The following KLF7 variants were observed in gnomAD, a reference collection of about 807,000 sequenced individuals.
KLF7 encodes the protein Krueppel-like factor 7.
A neutral mutation model predicts 27.3 loss-of-function variants in KLF7; 2 were observed. The observed-to-expected ratio is 0.07, with a 90% CI of 0.03 to 0.23. KLF7 has a LOEUF of 0.23. KLF7 is among the 10% of genes least tolerant of loss of function. KLF7 has a pLI of 1.00. For missense variants in KLF7, 221 were observed against 394.1 expected, an observed-to-expected ratio of 0.56 and a Z score of 3.72; for synonymous variants, 165 against 162.4, an observed-to-expected ratio of 1.02 and a Z score of -0.12.
At chr2:207,111,762 C>T (rs571165696) in intron 2 of KLF7, among the ~76,000 whole-genome samples, 2 of 152,082 alleles carry the variant, frequency 1.3e-5, no homozygotes, top group Non-Finnish European at 2.9e-5. Flanking sequence ...AAGAAGAGTA[C>T]GATGAGAGGA....
intron 2 of KLF7, among the ~76,000 whole-genome samples, chr2:207,099,145 T>C (rs367941917): frequency 7.9e-5 from 12 of 152,176 alleles, no homozygotes; most frequent in African/African-American, 2.9e-4. Flanking sequence ...GGTGTACAAC[T>C]CCTAGTGAGT....
chr2:207,091,508 G>C (rs1190628947), intron 2 of KLF7, among the ~76,000 whole-genome samples: 1 of 152,166 alleles, frequency 6.6e-6, no homozygotes, highest in African/African-American at 2.4e-5. Context: ...TACTATTATA[G>C]TGATTTATCA....
intron 1 of KLF7, among the ~76,000 whole-genome samples, chr2:207,132,435 A>T (rs532625832): frequency 1.3e-5 from 2 of 152,340 alleles, no homozygotes; most frequent in African/African-American, 2.4e-5. Context: ...AAGCTGAAAA[A>T]TTTCTATCAA....
At chr2:207,166,907 C>T (rs867834040), upstream of KLF7, 8 of 1,047,208 alleles carry the variant, frequency 7.6e-6, no homozygotes, top group African/African-American at 1.7e-5. Context: ...GCCCGCCCCC[C>T]GCTTGCGCAC....
At chr2:207,095,423 T>C (rs1256487422) in intron 2 of KLF7, among the ~76,000 whole-genome samples, 2 of 152,250 alleles carry the variant, frequency 1.3e-5, no homozygotes, top group Non-Finnish European at 2.9e-5. Flanking sequence ...CTTAAAATGT[T>C]TGTTCAAAAA....
rs536015493 is a variant in KLF7, at chr2:207,111,344, G to T, written c.733+12430C>A. Among the ~76,000 whole-genome samples, 26 of 152,296 alleles carry T rather than the reference G, an allele frequency of 1.7e-4. No homozygotes were observed. The East Asian group carries it at 4.6e-3, about 27-fold the overall frequency. ...TCTGTGTGGAATGCTCTCCCAGTGC[G>T]CACAGGCCACATAAGGTTTTGAGCA... On this transcript the variant is annotated intron_variant, in intron 2 of 3. Coordinates refer to ENST00000309446, the MANE Select transcript of KLF7 (RefSeq NM_003709.4).
At position 207,076,241 on chromosome 2, in the gene KLF7, C is replaced by G. The variant is rs1288875173; in HGVS notation, c.*4972G>C. On this transcript the variant is annotated 3_prime_UTR_variant, in exon 4 of 4. Coordinates refer to ENST00000309446, the MANE Select transcript of KLF7 (RefSeq NM_003709.4). ...GCTGGACTCACAGCAAGTTACGATT[C>G]CAAAGCTCACAGTTGAAAAAAAATT... is the stretch of plus-strand genomic sequence containing the variant. 6.6e-6 allele frequency: 1 copy of G among 152,016 alleles called. No individual in the cohort carries two copies. Among genetic ancestry groups the G allele is most frequent in the Non-Finnish European group, 1.5e-5 (1 of 67,994 alleles). The allele number at this position is 152,016 out of a possible 1,614,324, so 9.4% of individuals were successfully genotyped here. A position where few individuals can be genotyped will look rare whatever the true frequency, so the allele number is the denominator to read the frequency against.
At position 207,077,520 on chromosome 2, in the gene KLF7, G is replaced by A. The variant is rs186689773; in HGVS notation, c.*3693C>T. The A allele has an allele frequency of 6.6e-6, 1 of 152,178 alleles. No homozygotes were observed. Among genetic ancestry groups the A allele is most frequent in the East Asian group, 1.9e-4 (1 of 5,192 alleles). 9.4% of individuals were successfully genotyped at this position (152,178 alleles called of 1,614,324 possible). A position where few individuals can be genotyped will look rare whatever the true frequency, so the allele number is the denominator to read the frequency against. On this transcript the variant is annotated 3_prime_UTR_variant, in exon 4 of 4. Transcript: ENST00000309446. The stretch of plus-strand genomic sequence containing the variant: ...GTCGAGAGAAGAGGATATTTGAAGG[G>A]CTTTGCAAGGGAAAGCACACAGAGA...
At chr2:207,171,851 A>G (rs1396450261), upstream of KLF7, among the ~76,000 whole-genome samples, 1 of 152,230 alleles carries the variant, frequency 6.6e-6, no homozygotes, top group Non-Finnish European at 1.5e-5. Context: ...GCTTTATTGC[A>G]GTGGGCTGTA....
chr2:207,079,005 T>C lies in KLF7; in HGVS notation c.*2208A>G, dbSNP rs1165956691. Reference sequence around the variant, plus strand: ...CTCCGGCAAATGGACAGATTTTGTGTGTGTGTGCGCGTGTGTGTTAACGGG... The same window carrying C: ...CTCCGGCAAATGGACAGATTTTGTGCGTGTGTGCGCGTGTGTGTTAACGGG... On this transcript the variant is annotated 3_prime_UTR_variant, in exon 4 of 4. Transcript: ENST00000309446. The C allele has an allele frequency of 6.6e-6, 1 of 152,176 alleles. No homozygotes were observed. The highest frequency in any genetic ancestry group is 1.5e-5 in the Non-Finnish European group (1 of 68,022). The allele number at this position is 152,176 out of a possible 1,614,324, so 9.4% of individuals were successfully genotyped here.
At chr2:207,111,779 G>A (rs2244691) in intron 2 of KLF7, among the ~76,000 whole-genome samples, 3 of 151,964 alleles carry the variant, frequency 2.0e-5, no homozygotes, top group Middle Eastern at 3.4e-3. Flanking sequence ...AGGAAGCCTC[G>A]GAAGTATGCA....
chr2:207,156,026 TG>T (rs1374815311), intron 1 of KLF7, among the ~76,000 whole-genome samples: 1 of 152,194 alleles, frequency 6.6e-6, no homozygotes, highest in Admixed American at 6.5e-5. Flanking sequence ...GCAGGGCAAT[TG>T]CTCCACGGCT....
At chr2:207,107,221 A>G (rs546160412) in intron 2 of KLF7, among the ~76,000 whole-genome samples, 21 of 152,350 alleles carry the variant, frequency 1.4e-4, no homozygotes, top group Admixed American at 1.2e-3. Flanking sequence ...TTAACTGCAC[A>G]GAGAACCAAA....
chr2:207,173,138 G>GA, the KLF7 span, among the ~76,000 whole-genome samples: 1 of 151,990 alleles, frequency 6.6e-6, no homozygotes. Context: ...AAGAACATGA[G>GA]AACATGTATG....
chr2:207,170,050 A>G (rs2078774944), upstream of KLF7, among the ~76,000 whole-genome samples: 1 of 152,022 alleles, frequency 6.6e-6, no homozygotes. Flanking sequence ...GGTATATCAA[A>G]CACCGAGATA....
At chr2:207,107,023 T>C (rs1175103591) in intron 2 of KLF7, among the ~76,000 whole-genome samples, 1 of 152,074 alleles carries the variant, frequency 6.6e-6, no homozygotes, top group Non-Finnish European at 1.5e-5. Context: ...GATGGGAAAA[T>C]CACCACCTAC....
At position 207,124,091 on chromosome 2, in the gene KLF7, G is replaced by C. The variant is rs1244054104; in HGVS notation, c.416C>G (p.Pro139Arg). The C allele has an allele frequency of 6.2e-7, 1 of 1,614,046 alleles. No homozygotes were observed. The change falls in exon 2 of 4, where the codon CCA becomes CGA. Residue 139 changes from proline to arginine, a missense_variant. Physicochemically the swap from Pro to Arg is moderately radical, Grantham distance 103. Coordinates refer to ENST00000309446, the MANE Select transcript of KLF7 (RefSeq NM_003709.4). Reference sequence around the variant, plus strand: ...ATGGCGGCTGAGCTCAGGGGACGATGGGGGCGTTAATGAGGTCACTGCGTT... The same window carrying C: ...ATGGCGGCTGAGCTCAGGGGACGATCGGGGCGTTAATGAGGTCACTGCGTT... ...QLNAVTSLTPPSSPELSRHLV... is the reference protein window; with the variant it reads ...QLNAVTSLTPRSSPELSRHLV...
intron 1 of KLF7, among the ~76,000 whole-genome samples, chr2:207,161,195 G>A (rs1310682479): frequency 6.6e-6 from 1 of 152,202 alleles, no homozygotes; most frequent in Non-Finnish European, 1.5e-5. Flanking sequence ...GCAGTCACAT[G>A]TGCTTTCATT....
intron 2 of KLF7, among the ~76,000 whole-genome samples, chr2:207,114,751 GAC>G (rs1368418465): frequency 6.6e-6 from 1 of 152,152 alleles, no homozygotes; most frequent in Non-Finnish European, 1.5e-5. Flanking sequence ...GATACCCTAA[GAC>G]ACCTAACTAG....
Sources: gnomAD v4.1 joint callset for allele counts (sites outside exome capture counted in the v4.1 genomes callset) on GRCh38, gnomAD v4.1.1 for gene constraint, MANE v1.5 for transcripts, NCBI Gene and HGNC (gene_info 2026-07-23, HGNC 2026-07-21) for gene names.